The following POU2F3 variants were observed in gnomAD, a reference collection of about 807,000 sequenced individuals.
POU2F3 encodes the protein POU domain, class 2, transcription factor 3.
A neutral mutation model predicts 59.2 loss-of-function variants in POU2F3; 23 were observed. The observed-to-expected ratio is 0.39, with a 90% CI of 0.28 to 0.55. The LOEUF is 0.55. Ranked by LOEUF, POU2F3 falls within the 20% of genes least tolerant of loss-of-function variation. The pLI, the probability that POU2F3 is intolerant of heterozygous loss-of-function variation, is 0.66. For missense variants in POU2F3, 473 were observed against 544.5 expected, an observed-to-expected ratio of 0.87 and a Z score of 1.31; for synonymous variants, 190 against 214.6, an observed-to-expected ratio of 0.89 and a Z score of 1.00.
At chr11:120,310,487 G>T (rs752111836) in intron 10 of POU2F3, among the ~76,000 whole-genome samples, 1 of 152,178 alleles carries the variant, frequency 6.6e-6, no homozygotes, top group Admixed American at 6.5e-5. Context: ...TGTGACTCTG[G>T]AGTTCAAGGG....
chr11:120,297,261 T>C (rs1432091481), intron 3 of POU2F3, among the ~76,000 whole-genome samples: 1 of 151,986 alleles, frequency 6.6e-6, no homozygotes, highest in Admixed American at 6.6e-5. Context: ...GGATGAGGGG[T>C]AGGCACAAGC....
chr11:120,252,918 A>G (rs2135145831), intron 2 of POU2F3, among the ~76,000 whole-genome samples: 1 of 152,160 alleles, frequency 6.6e-6, no homozygotes, highest in African/African-American at 2.4e-5. Flanking sequence ...CCCAGTTGCC[A>G]CCTTTGCAGC....
intron 2 of POU2F3, among the ~76,000 whole-genome samples, chr11:120,252,367 C>G (rs1428929045): frequency 6.6e-6 from 1 of 152,024 alleles, no homozygotes; most frequent in Non-Finnish European, 1.5e-5. Flanking sequence ...ACCACCACGC[C>G]TGGCTAATTT....
At position 120,302,402 on chromosome 11, in the gene POU2F3, A is replaced by G. The variant is rs751234812; in HGVS notation, c.444+34A>G. 2.6e-6 allele frequency: 4 copies of G among 1,545,362 alleles called. No homozygotes were observed. In the Admixed American group the frequency reaches 6.7e-5, roughly 26 times the overall value. On this transcript the variant is annotated intron_variant, in intron 6 of 12. Coordinates refer to ENST00000543440, the MANE Select transcript of POU2F3 (RefSeq NM_014352.4). ...CCCCATTCTTCCTGTTTCCTCTAGG[A>G]ATGTCTCAGCTCTCACTGAGTTTAA...
At chr11:120,241,067 C>T (rs1301156536) in intron 1 of POU2F3, among the ~76,000 whole-genome samples, 1 of 152,200 alleles carries the variant, frequency 6.6e-6, no homozygotes, top group African/African-American at 2.4e-5. Context: ...CCTCCATTCA[C>T]CTTGCTGTTC....
At chr11:120,248,533 G>A (rs1034474199) in intron 2 of POU2F3, among the ~76,000 whole-genome samples, 2 of 152,052 alleles carry the variant, frequency 1.3e-5, no homozygotes, top group Non-Finnish European at 2.9e-5. Context: ...CTCATTCCCC[G>A]CTTTACTCAG....
chr11:120,286,745 T>C (rs1168956987), intron 3 of POU2F3, among the ~76,000 whole-genome samples: 2 of 152,234 alleles, frequency 1.3e-5, no homozygotes, highest in Non-Finnish European at 2.9e-5. Context: ...ATTTTCATAT[T>C]TCTAAGTAAA....
intron 3 of POU2F3, among the ~76,000 whole-genome samples, chr11:120,283,549 T>C (rs1467869149): frequency 6.6e-6 from 1 of 152,074 alleles, no homozygotes; most frequent in African/African-American, 2.4e-5. Flanking sequence ...ACGAGAATCC[T>C]GTCTGGAATG....
chr11:120,309,329 G>T lies in POU2F3; in HGVS notation c.907-96G>T, dbSNP rs1007368668. On this transcript the variant is annotated intron_variant, in intron 9 of 12. Coordinates refer to ENST00000543440, the MANE Select transcript of POU2F3 (RefSeq NM_014352.4). Reference sequence around the variant, plus strand: ...TCCTAGGTCTGACTCTAAAGCTTTTGATCCATGTATAGTTGTATCCTGTTT... The same window carrying T: ...TCCTAGGTCTGACTCTAAAGCTTTTTATCCATGTATAGTTGTATCCTGTTT... 6 of 1,283,938 alleles carry T rather than the reference G, an allele frequency of 4.7e-6. No individual in the cohort carries two copies. The African/African-American group carries it at 7.4e-5, about 16-fold the overall frequency. 79.5% of individuals were successfully genotyped at this position (1,283,938 alleles called of 1,614,324 possible).
At chr11:120,294,937 G>A (rs147308891) in intron 3 of POU2F3, among the ~76,000 whole-genome samples, 20 of 152,142 alleles carry the variant, frequency 1.3e-4, no homozygotes, top group Middle Eastern at 3.4e-3. Flanking sequence ...CAAAGGAACC[G>A]TAAAGAAGAT....
upstream of POU2F3, chr11:120,236,766 A>T (rs1177671876): frequency 7.2e-7 from 1 of 1,398,248 alleles, no homozygotes; most frequent in Non-Finnish European, 9.8e-7. Context: ...TCAGTGAGCA[A>T]GTCTGAGAGA....
At position 120,269,224 on chromosome 11, in the gene POU2F3, G is replaced by C; in HGVS notation, c.112G>C (p.Gly38Arg). The C allele has an allele frequency of 6.3e-7, 1 of 1,590,014 alleles. No homozygotes were observed. Among genetic ancestry groups the C allele is most frequent in the South Asian group, 1.1e-5 (1 of 90,418 alleles). Reference sequence around the variant, plus strand: ...ATCTTTTCTAGGAAATGATCGAAATGGCCTAGATTTCAACAGGCAGGTAAG... The same window carrying C: ...ATCTTTTCTAGGAAATGATCGAAATCGCCTAGATTTCAACAGGCAGGTAAG... ...SQVEPGNDRN[G>R]LDFNRQIKTE... Residue 38 changes from glycine (G) to arginine (R), a missense_variant, in exon 3 of 13, where the codon GGC becomes CGC. Gly to Arg is a moderately radical substitution (Grantham distance 125, BLOSUM62 -2). Transcript: ENST00000543440.
chr11:120,246,564 G>A (rs752977683), intron 2 of POU2F3, 47 bp downstream of exon 2: 1 of 1,591,866 alleles, frequency 6.3e-7, no homozygotes. Flanking sequence ...GGGGAAGAGA[G>A]TTGTTGGGAA....
intron 2 of POU2F3, among the ~76,000 whole-genome samples, chr11:120,257,231 G>A (rs1939378960): frequency 6.6e-6 from 1 of 152,156 alleles, no homozygotes; most frequent in African/African-American, 2.4e-5. Flanking sequence ...TCAGAGAAGG[G>A]GGATGATTTT....
In POU2F3 at chr11:120,318,606, A is replaced by G. The variant is rs1381546739; in HGVS notation, c.*214A>G. On this transcript the variant is annotated 3_prime_UTR_variant, in exon 13 of 13. Transcript: ENST00000543440. ...CAGACTCCTAATGCTCTTGAAATAC[A>G]CAGCCCCTCCTAGGAGCTTACCATT... The G allele has an allele frequency of 1.8e-6, 1 of 545,220 alleles. No homozygotes were observed. The highest frequency in any genetic ancestry group is 1.9e-5 in the African/African-American group (1 of 52,274). The allele number at this position is 545,220 out of a possible 1,614,324, so 33.8% of individuals were successfully genotyped here.
At chr11:120,265,532 A>G (rs1939792611) in intron 2 of POU2F3, 2 of 152,386 alleles carry the variant, frequency 1.3e-5, no homozygotes, top group African/African-American at 4.8e-5. Flanking sequence ...AGTGGAGCAG[A>G]TGCATCCTCA....
chr11:120,265,835 C>T (rs1191199408), intron 2 of POU2F3: 1 of 152,232 alleles, frequency 6.6e-6, no homozygotes, highest in Non-Finnish European at 1.5e-5. Context: ...GAAAGCCCCT[C>T]TCCTCTTACA....
intron 1 of POU2F3, among the ~76,000 whole-genome samples, chr11:120,241,312 T>C (rs1938652581): frequency 6.6e-6 from 1 of 152,272 alleles, no homozygotes; most frequent in South Asian, 2.1e-4. Context: ...TGTTACCTGG[T>C]CTCCTTTCTG....
chr11:120,274,332 T>C (rs1322990219), intron 3 of POU2F3, among the ~76,000 whole-genome samples: 1 of 152,196 alleles, frequency 6.6e-6, no homozygotes. Flanking sequence ...TCAAATGATA[T>C]GTAGCTAACT....
Sources: allele counts gnomAD v4.1 joint callset (sites outside exome capture counted in the v4.1 genomes callset), GRCh38; gene constraint gnomAD v4.1.1; transcripts MANE v1.5; gene names NCBI Gene and HGNC (gene_info 2026-07-23, HGNC 2026-07-21).